Variants in NFIB observed in about 807,000 individuals in gnomAD.
NFIB encodes nuclear factor I B, also known as nuclear factor 1 B-type.
In NFIB, 11 loss-of-function variants were observed where a neutral mutation model predicts 61.5. The ratio of observed to expected loss-of-function variants is 0.18; its 90% CI spans 0.11 to 0.30. NFIB has a LOEUF of 0.30. Among genes scored for constraint, NFIB ranks in the 10% least tolerant of loss-of-function variants. The probability of loss-of-function intolerance (pLI) is 1.00; values close to 1 mark genes in which losing one functional copy is unlikely to be tolerated. For missense variants in NFIB, 471 were observed against 608.9 expected (o/e 0.77, Z 2.38); for synonymous variants, 260 against 216.5 (o/e 1.20, Z -1.76).
chr9:14,357,492 C>G (rs1247352758), intron 1 of NFIB: 1 of 152,160 alleles, frequency 6.6e-6, no homozygotes, highest in Admixed American at 6.5e-5. Flanking sequence ...AGACAGCACC[C>G]TCCTCCTCCC....
intron 2 of NFIB, among the ~76,000 whole-genome samples, chr9:14,265,217 A>G (rs886706753): frequency 1.2e-4 from 18 of 152,246 alleles, no homozygotes; most frequent in Non-Finnish European, 1.8e-4. Context: ...CTATCTCTCT[A>G]TAAATGATGA....
At chr9:14,309,390 C>T (rs796421557) in intron 1 of NFIB, among the ~76,000 whole-genome samples, 10 of 152,302 alleles carry the variant, frequency 6.6e-5, no homozygotes, top group African/African-American at 2.4e-4. Flanking sequence ...TCTAACATTG[C>T]TGTAAGTGTT....
intron 3 of NFIB, among the ~76,000 whole-genome samples, chr9:14,173,022 C>T (rs766680149): frequency 1.3e-5 from 2 of 152,178 alleles, no homozygotes; most frequent in Admixed American, 6.5e-5. Context: ...CCCGCCTCAG[C>T]CTATCAAAGT....
At chr9:14,102,569 T>C in intron 10 of NFIB, 1 of 1,395,574 alleles carries the variant, frequency 7.2e-7, no homozygotes, top group Non-Finnish European at 9.9e-7. Flanking sequence ...TTTTTAGTAT[T>C]TAAATGAACA....
At chr9:14,280,857 G>C (rs1444296064) in intron 2 of NFIB, among the ~76,000 whole-genome samples, 1 of 152,136 alleles carries the variant, frequency 6.6e-6, no homozygotes, top group Non-Finnish European at 1.5e-5. Flanking sequence ...TTTCCTTGGA[G>C]GAAGACTAGG....
intron 1 of NFIB, among the ~76,000 whole-genome samples, chr9:14,383,638 C>G (rs576827590): frequency 6.6e-6 from 1 of 152,298 alleles, no homozygotes; most frequent in East Asian, 1.9e-4. Flanking sequence ...GATAACAGAT[C>G]TCTTTTAAGA....
At chr9:14,467,997 A>C in the NFIB span, among the ~76,000 whole-genome samples, 1 of 152,256 alleles carries the variant, frequency 6.6e-6, no homozygotes, top group East Asian at 1.9e-4. Flanking sequence ...TGGAGATGTC[A>C]CTTTACTCAA....
At chr9:14,142,036 A>G (rs542135136) in intron 6 of NFIB, among the ~76,000 whole-genome samples, 2 of 152,232 alleles carry the variant, frequency 1.3e-5, no homozygotes, top group South Asian at 4.1e-4. Context: ...TAGATAAATT[A>G]GTGACTATTA....
intron 3 of NFIB, among the ~76,000 whole-genome samples, chr9:14,162,252 T>G (rs189218626): frequency 2.1e-4 from 32 of 152,212 alleles, no homozygotes; most frequent in Admixed American, 3.9e-4. Context: ...TCACTGATTT[T>G]TTTTTCTCAT....
At chr9:14,354,255 T>A (rs2061150179) in intron 1 of NFIB, among the ~76,000 whole-genome samples, 1 of 152,166 alleles carries the variant, frequency 6.6e-6, no homozygotes, top group Non-Finnish European at 1.5e-5. Flanking sequence ...AATAAAAAAA[T>A]AGCTCTTTTG....
chr9:14,106,574 G>T (rs1423366294), intron 10 of NFIB, among the ~76,000 whole-genome samples: 1 of 151,528 alleles, frequency 6.6e-6, no homozygotes, highest in Non-Finnish European at 1.5e-5. Flanking sequence ...TTGCTTCAAA[G>T]AAAAAAAGAA....
the NFIB span, among the ~76,000 whole-genome samples, chr9:14,476,877 T>C: frequency 6.6e-6 from 1 of 152,214 alleles, no homozygotes; most frequent in Admixed American, 6.5e-5. Flanking sequence ...TTCAGAATGA[T>C]AGGAAGAATA....
At chr9:14,230,263 G>C (rs992962560) in intron 2 of NFIB, among the ~76,000 whole-genome samples, 1 of 152,124 alleles carries the variant, frequency 6.6e-6, no homozygotes, top group African/African-American at 2.4e-5. Flanking sequence ...TATCTTCCTG[G>C]ATAGACATAT....
In NFIB at chr9:14,196,604, C is replaced by G. The variant is rs140049419; in HGVS notation, c.563-16824G>C. Among the ~76,000 whole-genome samples, 385 of 151,910 alleles carry G rather than the reference C, an allele frequency of 2.5e-3. 3 individuals carry two copies. The highest frequency in any genetic ancestry group is 8.9e-3 in the African/African-American group (368 of 41,402). On this transcript the variant is annotated intron_variant, in intron 2 of 10. Coordinates refer to ENST00000380953, the MANE Select transcript of NFIB (RefSeq NM_001190737.2). ...AGCATCAAGTTAATTGTGTCTACTCCCCACAGAATGTGTCCTCCAAGGCTC... is the reference window on the plus strand; with the variant it reads ...AGCATCAAGTTAATTGTGTCTACTCGCCACAGAATGTGTCCTCCAAGGCTC...
At chr9:14,328,769 C>T (rs2060785476) in intron 1 of NFIB, among the ~76,000 whole-genome samples, 1 of 152,066 alleles carries the variant, frequency 6.6e-6, no homozygotes, top group Admixed American at 6.6e-5. Context: ...CAAATGGTCA[C>T]AGAATTGTAA....
intron 7 of NFIB, among the ~76,000 whole-genome samples, chr9:14,121,562 G>A (rs943798105): frequency 2.0e-5 from 3 of 152,140 alleles, no homozygotes; most frequent in African/African-American, 7.2e-5. Context: ...GGAACATAGA[G>A]CTAGAAACTC....
At chr9:14,407,746 G>A in the NFIB span, among the ~76,000 whole-genome samples, 1 of 152,052 alleles carries the variant, frequency 6.6e-6, no homozygotes, top group African/African-American at 2.4e-5. Flanking sequence ...GAGTGTGGTG[G>A]TACAATCATA....
the NFIB span, among the ~76,000 whole-genome samples, chr9:14,506,539 A>C: frequency 1.3e-5 from 2 of 152,210 alleles, no homozygotes; most frequent in Non-Finnish European, 2.9e-5. Context: ...TATAACATGA[A>C]GCAAATAATT....
At chr9:14,423,716 A>G in the NFIB span, among the ~76,000 whole-genome samples, 1 of 152,190 alleles carries the variant, frequency 6.6e-6, no homozygotes, top group Non-Finnish European at 1.5e-5. Flanking sequence ...ATTCTCTGCA[A>G]AGTAGTTTGG....
Sources: gnomAD v4.1 joint callset for allele counts (sites outside exome capture counted in the v4.1 genomes callset) on GRCh38, gnomAD v4.1.1 for gene constraint, MANE v1.5 for transcripts, NCBI Gene and HGNC (gene_info 2026-07-23, HGNC 2026-07-21) for gene names.